Variants in TENT5C observed in about 807,000 individuals in gnomAD.
TENT5C encodes terminal nucleotidyltransferase 5C.
In TENT5C, 5 loss-of-function variants were observed where a neutral mutation model predicts 22.2. The ratio of observed to expected loss-of-function variants is 0.22; its 90% CI spans 0.12 to 0.47. The LOEUF is 0.47. TENT5C is among the 20% of genes least tolerant of loss of function. The probability of loss-of-function intolerance (pLI) is 0.99; values close to 1 mark genes in which losing one functional copy is unlikely to be tolerated. For missense variants in TENT5C, 364 were observed against 500.9 expected, an observed-to-expected ratio of 0.73 and a Z score of 2.61; for synonymous variants, 199 against 195.4, an observed-to-expected ratio of 1.02 and a Z score of -0.15.
intron 1 of TENT5C, among the ~76,000 whole-genome samples, chr1:117,609,018 G>C (rs1321037203): frequency 6.6e-6 from 1 of 152,208 alleles, no homozygotes. Flanking sequence ...ACAAGGCACT[G>C]TAGGAAAATG....
At position 117,624,009 on chromosome 1, in the gene TENT5C, A is replaced by C. The variant is rs1185278454; in HGVS notation, c.1141A>C (p.Ser381Arg). 4 of 1,613,780 alleles carry C rather than the reference A, an allele frequency of 2.5e-6. No individual in the cohort carries two copies. In the Admixed American group the frequency reaches 5.0e-5, roughly 20 times the overall value. ...YYVAHPPVTY[S>R]QPYPTWLPCN The stretch of plus-strand genomic sequence containing the variant: ...CGTTGCCCATCCTCCAGTCACCTAC[A>C]GCCAGCCTTACCCTACCTGGCTGCC... Residue 381 changes from serine to arginine, a missense_variant, in exon 2 of 2, where the codon AGC (serine) becomes CGC (arginine). Around this residue, in one of 3 missense-constraint regions of TENT5C, gnomAD observed 54 missense variants for 76.5 expected, o/e 0.71. Transcript: ENST00000369448.
chr1:117,626,574 A>T lies in TENT5C; in HGVS notation c.*2530A>T, dbSNP rs564620245. On this transcript the variant is annotated 3_prime_UTR_variant, in exon 2 of 2. Transcript: ENST00000369448. ...TCTATGAGCCTTTTGCCAGCCTCAG[A>T]ATAGGCGAGGTAACCTTGAATTTCA... The T allele has an allele frequency of 4.0e-6, 1 of 248,134 alleles. No individual in the cohort carries two copies. The highest frequency in any genetic ancestry group is 8.5e-6 in the Non-Finnish European group (1 of 118,108). The allele number at this position is 248,134 out of a possible 1,614,324, so 15.4% of individuals were successfully genotyped here. A position where few individuals can be genotyped will look rare whatever the true frequency, so the allele number is the denominator to read the frequency against.
chr1:117,615,386 T>G (rs921635470), intron 1 of TENT5C, among the ~76,000 whole-genome samples: 2 of 152,232 alleles, frequency 1.3e-5, no homozygotes, highest in Non-Finnish European at 2.9e-5. Context: ...CACATCCTCT[T>G]TGTTCTCCAG....
chr1:117,620,200 A>G (rs888479465), intron 1 of TENT5C, among the ~76,000 whole-genome samples: 5 of 152,206 alleles, frequency 3.3e-5, no homozygotes, highest in Non-Finnish European at 7.3e-5. Context: ...TCCTGACTTT[A>G]ATCCTACATG....
Position 117,622,877 on chromosome 1 carries a change from G to T in TENT5C, c.9G>T (p.Glu3Asp). Reference protein sequence around the residue: MAEESSCTRDCMS... With the variant: MADESSCTRDCMS... ...CAGAACATCCCCTGAAGATGGCAGA[G>T]GAGAGCAGCTGTACCAGGGATTGCA... is the stretch of plus-strand genomic sequence containing the variant. Residue 3 changes from glutamate to aspartate, a missense_variant, in exon 2 of 2, where the codon GAG becomes GAT. Physicochemically the swap from Glu to Asp is conservative, Grantham distance 45. Around this residue, in one of 3 missense-constraint regions of TENT5C, gnomAD observed 303 missense variants for 394.5 expected, o/e 0.77. Coordinates refer to ENST00000369448, the MANE Select transcript of TENT5C (RefSeq NM_017709.4). The T allele has an allele frequency of 1.2e-6, 2 of 1,608,848 alleles. No individual in the cohort carries two copies. The highest frequency in any genetic ancestry group is 1.3e-5 in the African/African-American group (1 of 74,964).
chr1:117,611,492 G>C (rs1653671101), intron 1 of TENT5C, among the ~76,000 whole-genome samples: 1 of 152,140 alleles, frequency 6.6e-6, no homozygotes, highest in South Asian at 2.1e-4. Flanking sequence ...GTGCTTTCCA[G>C]TAAAAATATG....
At chr1:117,607,289 G>T (rs1184134613) in intron 1 of TENT5C, among the ~76,000 whole-genome samples, 1 of 152,090 alleles carries the variant, frequency 6.6e-6, no homozygotes, top group Non-Finnish European at 1.5e-5. Context: ...GCCCTTTTTT[G>T]TCCATAGGTA....
At chr1:117,610,474 G>A (rs1653644180) in intron 1 of TENT5C, among the ~76,000 whole-genome samples, 1 of 152,184 alleles carries the variant, frequency 6.6e-6, no homozygotes, top group Admixed American at 6.5e-5. Flanking sequence ...GCTTCTGACT[G>A]ACATTATTCC....
intron 1 of TENT5C, among the ~76,000 whole-genome samples, chr1:117,608,480 C>G (rs777474292): frequency 6.6e-6 from 1 of 152,150 alleles, no homozygotes; most frequent in South Asian, 2.1e-4. Context: ...CTTGCGCTGC[C>G]GGTCAGAGAA....
intron 1 of TENT5C, 147 bp from the exon 2 acceptor site, chr1:117,622,695 T>C (rs1653919781): frequency 3.3e-6 from 2 of 610,032 alleles, no homozygotes; most frequent in African/African-American, 1.8e-5. Flanking sequence ...ATTTAACTCA[T>C]TGAGTCCTCA....
intron 1 of TENT5C, among the ~76,000 whole-genome samples, chr1:117,610,622 G>T (rs1213317965): frequency 6.6e-6 from 1 of 152,188 alleles, no homozygotes; most frequent in East Asian, 1.9e-4. Context: ...CCACCTCGTG[G>T]GTTCAAGCGA....
At chr1:117,610,079 T>G (rs1468015803) in intron 1 of TENT5C, among the ~76,000 whole-genome samples, 1 of 152,180 alleles carries the variant, frequency 6.6e-6, no homozygotes, top group East Asian at 1.9e-4. Flanking sequence ...TCTCTCTCTC[T>G]GTTCACTCAG....
At chr1:117,613,062 C>A (rs1653702115) in intron 1 of TENT5C, among the ~76,000 whole-genome samples, 1 of 152,168 alleles carries the variant, frequency 6.6e-6, no homozygotes, top group African/African-American at 2.4e-5. Context: ...TCAGTCTGGG[C>A]AATCTCTAAA....
chr1:117,615,979 A>T (rs1653773824), intron 1 of TENT5C, among the ~76,000 whole-genome samples: 1 of 152,148 alleles, frequency 6.6e-6, no homozygotes, highest in South Asian at 2.1e-4. Context: ...AGAAAAGATC[A>T]CTTTAATGGC....
rs4026613 is a variant in TENT5C at position 117,624,164 on chromosome 1, CTT to C, written c.*135_*136del. 3,885 of 617,780 alleles carry C rather than the reference CTT, an allele frequency of 6.3e-3. No individual in the cohort carries two copies. The highest frequency in any genetic ancestry group is 9.7e-3 in the South Asian group (432 of 44,638). The allele number at this position is 617,780 out of a possible 1,614,324, so 38.3% of individuals were successfully genotyped here. ...AAAGGGGAACTCAGCTCTGATTCTGCTTTTTTTTTTTTTTTTCCTTTGTGTAC... is the reference window on the plus strand; with the variant it reads ...AAAGGGGAACTCAGCTCTGATTCTGCTTTTTTTTTTTTTTCCTTTGTGTAC... On this transcript the variant is annotated 3_prime_UTR_variant, in exon 2 of 2. Coordinates refer to ENST00000369448, the MANE Select transcript of TENT5C (RefSeq NM_017709.4).
intron 1 of TENT5C, among the ~76,000 whole-genome samples, chr1:117,617,402 C>T (rs1208757727): frequency 3.5e-5 from 5 of 143,190 alleles, no homozygotes; most frequent in East Asian, 2.0e-4. Flanking sequence ...TTTTTCCCTT[C>T]AGTGTGTGTA....
Position 117,624,125 on chromosome 1 carries a change from G to C in TENT5C, c.*81G>C. 1 of 1,235,854 alleles carries C rather than the reference G, an allele frequency of 8.1e-7. No homozygotes were observed. The highest frequency in any genetic ancestry group is 1.1e-6 in the Non-Finnish European group (1 of 899,302). 76.6% of individuals were successfully genotyped at this position (1,235,854 alleles called of 1,614,324 possible). On this transcript the variant is annotated 3_prime_UTR_variant, in exon 2 of 2. Coordinates refer to ENST00000369448, the MANE Select transcript of TENT5C (RefSeq NM_017709.4). ...GTAGGGGAGCCTCCTTCTAGATGTA[G>C]GCATTTGGCTTTTAAAGGGGAACTC...
At chr1:117,606,728 G>A (rs939571374) in intron 1 of TENT5C, among the ~76,000 whole-genome samples, 7 of 152,222 alleles carry the variant, frequency 4.6e-5, no homozygotes, top group Non-Finnish European at 8.8e-5. Flanking sequence ...GGTTGGGGAG[G>A]GGAGGGGCGC....
At position 117,623,008 on chromosome 1, in the gene TENT5C, C is replaced by T. The variant is rs1653931101; in HGVS notation, c.140C>T (p.Thr47Ile). ...GGCAACTTTCCAACCTTGGAGATAA[C>T]TCTGAAGGACATCGTCCAGACCGTC... The part of the protein sequence containing the change: ...GRGNFPTLEI[T>I]LKDIVQTVRS... The change falls in exon 2 of 2, where the codon ACT becomes ATT. Residue 47 changes from threonine to isoleucine, a missense_variant. Thr to Ile is a moderately conservative substitution (Grantham distance 89). Coordinates refer to ENST00000369448, the MANE Select transcript of TENT5C (RefSeq NM_017709.4). 2.5e-6 allele frequency: 4 copies of T among 1,614,222 alleles called. No homozygotes were observed. Among genetic ancestry groups the T allele is most frequent in the African/African-American group, 2.7e-5 (2 of 75,046 alleles).
Sources: gnomAD v4.1 joint callset for allele counts (sites outside exome capture counted in the v4.1 genomes callset) on GRCh38, gnomAD v4.1.1 for gene constraint, gnomAD v4.1.1 regional missense constraint, MANE v1.5 for transcripts, NCBI Gene and HGNC (gene_info 2026-07-23, HGNC 2026-07-21) for gene names.